Variants in ZBTB20 observed in about 807,000 individuals in gnomAD.
ZBTB20 encodes zinc finger and BTB domain containing 20.
Under a neutral mutation model 56.9 loss-of-function variants are expected in ZBTB20, and 9 were observed. The ratio of observed to expected loss-of-function variants is 0.16; its 90% CI spans 0.10 to 0.28. The LOEUF (loss-of-function observed/expected upper bound fraction) is 0.28, where lower values mean the gene tolerates loss of function less well. ZBTB20 is among the 10% of genes least tolerant of loss of function. The pLI, the probability that ZBTB20 is intolerant of heterozygous loss-of-function variation, is 1.00. For synonymous variants in ZBTB20, 417 were observed against 420.7 expected (o/e 0.99, Z 0.11); for missense variants, 655 against 1,003.0 (o/e 0.65, Z 4.69).
At chr3:115,062,011 C>T (rs1389684574) in intron 2 of ZBTB20, among the ~76,000 whole-genome samples, 3 of 152,072 alleles carry the variant, frequency 2.0e-5, no homozygotes, top group African/African-American at 7.3e-5. Flanking sequence ...ATTAATTGAA[C>T]ATAAAGTACA....
At chr3:114,832,223 C>T (rs573512671) in intron 4 of ZBTB20, among the ~76,000 whole-genome samples, 1 of 152,210 alleles carries the variant, frequency 6.6e-6, no homozygotes, top group East Asian at 1.9e-4. Flanking sequence ...TTCAGTGCAG[C>T]TCTTTGGATA....
intron 5 of ZBTB20, among the ~76,000 whole-genome samples, chr3:114,728,123 C>T (rs1295220474): frequency 1.3e-5 from 2 of 152,146 alleles, no homozygotes; most frequent in Non-Finnish European, 2.9e-5. Flanking sequence ...CAACATGAGG[C>T]CTCTAATGTC....
At chr3:114,974,607 C>A (rs2078023171) in intron 2 of ZBTB20, among the ~76,000 whole-genome samples, 191 bp from the exon 3 acceptor site, 1 of 152,160 alleles carries the variant, frequency 6.6e-6, no homozygotes, top group African/African-American at 2.4e-5. Flanking sequence ...AATATACAAT[C>A]TAAACCACTG....
chr3:114,744,072 C>G (rs1374425925), intron 5 of ZBTB20, among the ~76,000 whole-genome samples: 1 of 152,164 alleles, frequency 6.6e-6, no homozygotes, highest in Admixed American at 6.5e-5. Context: ...GTACCAACCA[C>G]GCACTTTCAT....
At chr3:114,635,314 A>C (rs2059199588) in intron 6 of ZBTB20, among the ~76,000 whole-genome samples, 1 of 152,088 alleles carries the variant, frequency 6.6e-6, no homozygotes, top group South Asian at 2.1e-4. Context: ...CATATTAAGC[A>C]CCATGAACTG....
chr3:114,645,168 C>T (rs756063204), intron 6 of ZBTB20, among the ~76,000 whole-genome samples: 11 of 151,954 alleles, frequency 7.2e-5, no homozygotes, highest in Non-Finnish European at 1.5e-4. Flanking sequence ...TTTGGAAGGA[C>T]CAATTGTAGG....
chr3:114,363,157 A>C (rs2082060401), intron 10 of ZBTB20, among the ~76,000 whole-genome samples: 1 of 152,220 alleles, frequency 6.6e-6, no homozygotes, highest in African/African-American at 2.4e-5. Flanking sequence ...TCAAACTGTT[A>C]AAAGTTTATA....
intron 1 of ZBTB20, among the ~76,000 whole-genome samples, chr3:115,128,885 G>A (rs1400663269): frequency 6.6e-6 from 1 of 152,072 alleles, no homozygotes; most frequent in African/African-American, 2.4e-5. Context: ...AGATCACGAG[G>A]TCAGGAGATC....
chr3:114,401,645 T>C lies in ZBTB20; in HGVS notation c.-254-12540A>G, dbSNP rs115547032. Among the ~76,000 whole-genome samples the C allele has an allele frequency of 9.2e-3, 1,400 of 152,304 alleles. 14 individuals are homozygous for C. Among genetic ancestry groups the C allele is most frequent in the Non-Finnish European group, 0.014 (962 of 68,008 alleles). On this transcript the variant is annotated intron_variant, in intron 7 of 11. Transcript: ENST00000675478. ...TCTTTGACGGAGATGACTTTCCATCTGAGGACTTACATTTTTCCCATGAGT... is the reference window on the plus strand; with the variant it reads ...TCTTTGACGGAGATGACTTTCCATCCGAGGACTTACATTTTTCCCATGAGT...
At chr3:114,568,904 A>G (rs1170629878) in intron 6 of ZBTB20, among the ~76,000 whole-genome samples, 9 of 152,040 alleles carry the variant, frequency 5.9e-5, no homozygotes, top group Non-Finnish European at 8.8e-5. Context: ...TCATTTCTCT[A>G]AGATTCAAAT....
chr3:114,496,751 A>C (rs977499439), intron 7 of ZBTB20, among the ~76,000 whole-genome samples: 1 of 152,230 alleles, frequency 6.6e-6, no homozygotes. Context: ...ATTCAGTTCA[A>C]TGGTTTGGAA....
At chr3:114,931,025 C>A in intron 3 of ZBTB20, 1 of 174,916 alleles carries the variant, frequency 5.7e-6, no homozygotes, top group South Asian at 1.5e-4. Flanking sequence ...GGAGAGTGCT[C>A]CCTTAGGCTC....
chr3:114,823,858 T>A (rs761942883), intron 4 of ZBTB20, among the ~76,000 whole-genome samples: 1 of 152,044 alleles, frequency 6.6e-6, no homozygotes, highest in African/African-American at 2.4e-5. Context: ...CAAAACACCA[T>A]ACGTGATTAA....
At chr3:115,028,047 T>C (rs550542487) in intron 2 of ZBTB20, among the ~76,000 whole-genome samples, 22 of 150,896 alleles carry the variant, frequency 1.5e-4, no homozygotes, top group African/African-American at 5.3e-4. Flanking sequence ...TGAGTAAACA[T>C]CCATTCATTA....
At chr3:114,738,618 T>A (rs1369891769) in intron 5 of ZBTB20, among the ~76,000 whole-genome samples, 5 of 152,326 alleles carry the variant, frequency 3.3e-5, no homozygotes, top group South Asian at 2.1e-4. Flanking sequence ...GTTCATTTTT[T>A]AAAAATTCAT....
chr3:114,935,831 C>A (rs760432776), intron 3 of ZBTB20, among the ~76,000 whole-genome samples: 3 of 152,164 alleles, frequency 2.0e-5, no homozygotes, highest in Non-Finnish European at 4.4e-5. Flanking sequence ...ACATTTAAAT[C>A]TTTGTCTTTA....
intron 3 of ZBTB20, among the ~76,000 whole-genome samples, chr3:114,934,283 C>G (rs75965697): frequency 0.065 from 9,865 of 152,206 alleles, 867 homozygotes; most frequent in African/African-American, 0.19. Context: ...CCTCCACTTA[C>G]CTGCGACCTC....
chr3:115,061,254 AC>A (rs1389604906), intron 2 of ZBTB20, among the ~76,000 whole-genome samples: 1 of 152,138 alleles, frequency 6.6e-6, no homozygotes, highest in Non-Finnish European at 1.5e-5. Flanking sequence ...ACTGCTAAAA[AC>A]TTTTTATTTG....
chr3:114,544,421 CTTTCTTT>C (rs2049512396), intron 6 of ZBTB20, among the ~76,000 whole-genome samples: 1 of 43,494 alleles, frequency 2.3e-5, no homozygotes, highest in Non-Finnish European at 4.2e-5. Context: ...TTCTTTCTTT[CTTTCTTT>C]CTTTCTTTCT....
Sources: gnomAD v4.1 joint callset for allele counts (sites outside exome capture counted in the v4.1 genomes callset) on GRCh38, gnomAD v4.1.1 for gene constraint, MANE v1.5 for transcripts, NCBI Gene and HGNC (gene_info 2026-07-23, HGNC 2026-07-21) for gene names.